The following CAMTA1 variants were observed in gnomAD, a reference collection of about 807,000 sequenced individuals.
CAMTA1 encodes calmodulin-binding transcription activator 1.
A neutral mutation model predicts 170.9 loss-of-function variants in CAMTA1; 27 were observed. The ratio of observed to expected loss-of-function variants is 0.16; its 90% CI spans 0.12 to 0.22. The LOEUF (loss-of-function observed/expected upper bound fraction) is 0.22, where lower values mean the gene tolerates loss of function less well. CAMTA1 is among the 10% of genes least tolerant of loss of function. The pLI is 1.00. For synonymous variants in CAMTA1, 833 were observed against 891.5 expected (o/e 0.93, Z 1.17); for missense variants, 1,619 against 2,217.2 (o/e 0.73, Z 5.42).
chr1:6,895,313 C>T lies in CAMTA1; in HGVS notation c.234+70103C>T, dbSNP rs577146336. On this transcript the variant is annotated intron_variant, in intron 3 of 22. Transcript: ENST00000303635. ...GTCCTTGATTCTGCCCTTTTTTCCC[C>T]ATCCCAGACACCCATCTTTCTCCTT... Among the ~76,000 whole-genome samples, 9 of 152,216 alleles carry T rather than the reference C, an allele frequency of 5.9e-5. No homozygotes were observed. The South Asian group carries it at 1.0e-3, about 18-fold the overall frequency.
rs373445958 is a variant in CAMTA1, at chr1:7,500,177, TAG to T, written c.510+32281_510+32282del. Among the ~76,000 whole-genome samples the T allele has an allele frequency of 3.8e-3, 553 of 144,996 alleles. 8 individuals carry two copies. Among genetic ancestry groups the T allele is most frequent in the African/African-American group, 0.014 (507 of 37,496 alleles). On this transcript the variant is annotated intron_variant, in intron 6 of 22. Coordinates refer to ENST00000303635, the MANE Select transcript of CAMTA1 (RefSeq NM_015215.4). ...GCATGTGTGTACATGAGTGAGTGTG[TAG>T]AGAGGATGGTGTGAGCCTGGTGTGC...
intron 1 of CAMTA1, among the ~76,000 whole-genome samples, chr1:6,797,928 T>TAA: frequency 6.6e-6 from 1 of 151,576 alleles, no homozygotes; most frequent in South Asian, 2.1e-4. Context: ...AATAATGAAA[T>TAA]AATTTATATA....
intron 2 of CAMTA1, among the ~76,000 whole-genome samples, chr1:6,822,553 T>A (rs985244902): frequency 1.4e-4 from 21 of 152,148 alleles, no homozygotes; most frequent in Non-Finnish European, 4.4e-5. Flanking sequence ...CTGGAAATGG[T>A]ACACTTTAAA....
intron 4 of CAMTA1, among the ~76,000 whole-genome samples, chr1:7,236,093 C>T (rs375615864): frequency 6.6e-6 from 1 of 152,162 alleles, no homozygotes; most frequent in Non-Finnish European, 1.5e-5. Context: ...ATGCTTGTAA[C>T]CAGTTTTCTT....
At position 7,228,735 on chromosome 1, in the gene CAMTA1, C is replaced by T. The variant is rs145566381; in HGVS notation, c.303-20756C>T. Among the ~76,000 whole-genome samples, 388 of 152,290 alleles carry T rather than the reference C, an allele frequency of 2.5e-3. 3 individuals are homozygous for T. Among genetic ancestry groups the T allele is most frequent in the Non-Finnish European group, 2.7e-3 (181 of 68,016 alleles). ...CAGCAGAGCAGGAGGCAGTGGCATTCGGGATTGGCCCTGAGGAACCAACCA... is the reference window on the plus strand; with the variant it reads ...CAGCAGAGCAGGAGGCAGTGGCATTTGGGATTGGCCCTGAGGAACCAACCA... On this transcript the variant is annotated intron_variant, in intron 4 of 22. Transcript: ENST00000303635.
chr1:7,180,075 T>G (rs1200221771), intron 4 of CAMTA1, among the ~76,000 whole-genome samples: 1 of 152,034 alleles, frequency 6.6e-6, no homozygotes, highest in Non-Finnish European at 1.5e-5. Context: ...TTTTAAAAAT[T>G]ATGAGATTAG....
chr1:7,700,042 T>G (rs1025622853), intron 11 of CAMTA1, among the ~76,000 whole-genome samples: 1 of 152,206 alleles, frequency 6.6e-6, no homozygotes, highest in African/African-American at 2.4e-5. Flanking sequence ...AATGTTCAAT[T>G]TATTTATTTT....
chr1:7,546,717 C>T (rs1244571395), intron 6 of CAMTA1, among the ~76,000 whole-genome samples: 2 of 152,190 alleles, frequency 1.3e-5, no homozygotes, highest in Non-Finnish European at 2.9e-5. Context: ...GAGATGGTAT[C>T]TCATTGTGGT....
intron 4 of CAMTA1, among the ~76,000 whole-genome samples, chr1:7,115,800 C>T (rs1644298821): frequency 6.6e-6 from 1 of 152,098 alleles, no homozygotes; most frequent in Non-Finnish European, 1.5e-5. Context: ...AGACTCACGT[C>T]CCCATGCAAG....
chr1:7,747,704 C>A lies in CAMTA1; in HGVS notation c.4618-6C>A. 6.3e-7 allele frequency: 1 copy of A among 1,597,544 alleles called. No individual in the cohort carries two copies. ...TGATTTTTTTTCTCCTTACTTTACC[C>A]TTAAGGGCCGACCCTTGCGGGAACA... is the stretch of plus-strand genomic sequence containing the variant. On this transcript the variant is annotated splice_polypyrimidine_tract_variant and splice_region_variant and intron_variant, in intron 18 of 22. Coordinates refer to ENST00000303635, the MANE Select transcript of CAMTA1 (RefSeq NM_015215.4).
rs144027639 is a variant in CAMTA1, at chr1:7,166,207, C to T, written c.302+74836C>T. On this transcript the variant is annotated intron_variant, in intron 4 of 22. Transcript: ENST00000303635. The stretch of plus-strand genomic sequence containing the variant: ...TCAGCCTCCCGAGTAGCTGGGACTA[C>T]AGGTGCCCACCACCATGCCCAGCTA... Among the ~76,000 whole-genome samples the T allele has an allele frequency of 9.6e-3, 1,457 of 152,204 alleles. 13 individuals are homozygous for T. Among genetic ancestry groups the T allele is most frequent in the Non-Finnish European group, 0.015 (1,037 of 68,002 alleles).
intron 4 of CAMTA1, among the ~76,000 whole-genome samples, chr1:7,232,890 C>T (rs191771336): frequency 6.6e-6 from 1 of 151,960 alleles, no homozygotes; most frequent in Admixed American, 6.6e-5. Context: ...ATTGCCTTGT[C>T]TCCTTGAGAA....
chr1:7,356,133 G>A (rs1187567208), intron 5 of CAMTA1, among the ~76,000 whole-genome samples: 5 of 152,234 alleles, frequency 3.3e-5, no homozygotes, highest in Non-Finnish European at 7.3e-5. Context: ...ATGGAAGCCC[G>A]AGGTGTCCCT....
intron 5 of CAMTA1, among the ~76,000 whole-genome samples, chr1:7,279,641 A>G (rs1199383908): frequency 6.6e-6 from 1 of 151,842 alleles, no homozygotes; most frequent in Non-Finnish European, 1.5e-5. Flanking sequence ...CTGGCCTCCG[A>G]CCCCATGCGG....
At chr1:7,630,470 C>G (rs1321624714) in intron 6 of CAMTA1, among the ~76,000 whole-genome samples, 1 of 152,214 alleles carries the variant, frequency 6.6e-6, no homozygotes, top group Non-Finnish European at 1.5e-5. Flanking sequence ...TCCCGGAACC[C>G]CGCACCAGGT....
intron 22 of CAMTA1, among the ~76,000 whole-genome samples, chr1:7,762,493 T>A (rs537955506): frequency 9.2e-5 from 14 of 152,236 alleles, no homozygotes; most frequent in Non-Finnish European, 1.8e-4. Context: ...GGAGGCAATA[T>A]AACATTCAAA....
chr1:6,945,888 T>C (rs998823001), intron 3 of CAMTA1, among the ~76,000 whole-genome samples: 2 of 152,254 alleles, frequency 1.3e-5, no homozygotes, highest in African/African-American at 4.8e-5. Context: ...AGCCACACTT[T>C]ATTTGTTCAT....
At chr1:7,503,083 C>T (rs1037408609) in intron 6 of CAMTA1, among the ~76,000 whole-genome samples, 6 of 152,246 alleles carry the variant, frequency 3.9e-5, no homozygotes, top group African/African-American at 1.2e-4. Context: ...ATGGGGTGGG[C>T]GTGTCATGGG....
intron 6 of CAMTA1, among the ~76,000 whole-genome samples, chr1:7,636,492 G>C (rs2095713340): frequency 6.6e-6 from 1 of 152,124 alleles, no homozygotes; most frequent in African/African-American, 2.4e-5. Context: ...CAAGGTGGGT[G>C]GATCACCTGA....
Sources: allele counts gnomAD v4.1 joint callset (sites outside exome capture counted in the v4.1 genomes callset), GRCh38; gene constraint gnomAD v4.1.1; transcripts MANE v1.5; gene names NCBI Gene and HGNC (gene_info 2026-07-23, HGNC 2026-07-21).